Variants in GNA12 observed in about 807,000 individuals in gnomAD.
GNA12 encodes guanine nucleotide-binding protein subunit alpha-12.
GNA12 carries 9 observed loss-of-function variants against 26.0 expected under a neutral mutation model. The observed-to-expected ratio is 0.35, with a 90% CI of 0.21 to 0.60. The LOEUF (loss-of-function observed/expected upper bound fraction) is 0.60, where lower values mean the gene tolerates loss of function less well. Ranked by LOEUF, GNA12 falls within the 20% of genes least tolerant of loss-of-function variation. The probability of loss-of-function intolerance (pLI) is 0.78; values close to 1 mark genes in which losing one functional copy is unlikely to be tolerated. For synonymous variants in GNA12, 264 were observed against 219.6 expected, an observed-to-expected ratio of 1.20 and a Z score of -1.79; for missense variants, 405 against 525.8, an observed-to-expected ratio of 0.77 and a Z score of 2.25.
At chr7:2,772,830 C>G (rs77452010) in intron 2 of GNA12, among the ~76,000 whole-genome samples, 1 of 152,156 alleles carries the variant, frequency 6.6e-6, no homozygotes, top group African/African-American at 2.4e-5. Context: ...ATTAAGAGAC[C>G]TGTCCAAGAA....
intron 2 of GNA12, among the ~76,000 whole-genome samples, chr7:2,737,879 A>C (rs1458654191): frequency 1.3e-5 from 2 of 152,232 alleles, no homozygotes; most frequent in African/African-American, 4.8e-5. Context: ...ACAACAGAGA[A>C]TCTTTCAAAA....
intron 2 of GNA12, among the ~76,000 whole-genome samples, chr7:2,772,016 C>T (rs934686233): frequency 1.3e-5 from 2 of 152,212 alleles, no homozygotes; most frequent in African/African-American, 4.8e-5. Context: ...GCATGTGTGT[C>T]ATGACTGATG....
chr7:2,836,906 A>G (rs1778854619), intron 1 of GNA12, among the ~76,000 whole-genome samples: 2 of 152,178 alleles, frequency 1.3e-5, no homozygotes, highest in African/African-American at 4.8e-5. Context: ...CCCGGGCAAC[A>G]AGAGCGAAAC....
rs758369709 is a variant in GNA12, at chr7:2,731,530, C to T, written c.797G>A (p.Arg266His). Reference protein sequence around the residue: ...EYDQVLMEDRRTNRLVESMNI... With the variant: ...EYDQVLMEDRHTNRLVESMNI... ...CATGGACTCCACCAGCCGGTTGGTGCGCCTGTCCTCCATGAGGACCTGGTC... is the reference window on the plus strand; with the variant it reads ...CATGGACTCCACCAGCCGGTTGGTGTGCCTGTCCTCCATGAGGACCTGGTC... Residue 266 changes from arginine (R) to histidine (H), a missense_variant, in exon 4 of 4, where the codon CGC becomes CAC. Arg to His is a conservative substitution (Grantham distance 29, BLOSUM62 0). Transcript: ENST00000275364. The surrounding 1 kb of genome is among the most constrained non-coding windows in gnomAD (Gnocchi z 6.0). 60 of 1,610,958 alleles carry T rather than the reference C, an allele frequency of 3.7e-5. No individual in the cohort carries two copies. The highest frequency in any genetic ancestry group is 4.7e-5 in the Non-Finnish European group (55 of 1,177,894).
At chr7:2,736,997 A>G (rs1224511276) in intron 2 of GNA12, among the ~76,000 whole-genome samples, 1 of 152,248 alleles carries the variant, frequency 6.6e-6, no homozygotes, top group East Asian at 1.9e-4. Flanking sequence ...TCCTAATTGG[A>G]GCCTTTCTAC....
chr7:2,791,173 T>C (rs964654959), intron 2 of GNA12, among the ~76,000 whole-genome samples: 12 of 152,250 alleles, frequency 7.9e-5, no homozygotes, highest in African/African-American at 4.8e-5. Context: ...ATATTAGTTA[T>C]ACCGATGACC....
intron 1 of GNA12, among the ~76,000 whole-genome samples, chr7:2,814,076 A>T (rs1562442074): frequency 3.3e-5 from 5 of 152,154 alleles, no homozygotes; most frequent in Admixed American, 2.0e-4. Flanking sequence ...TCGGCTGCCC[A>T]GGTTCTCAGG....
chr7:2,763,714 A>G (rs552915583), intron 2 of GNA12, among the ~76,000 whole-genome samples: 2 of 152,266 alleles, frequency 1.3e-5, no homozygotes, highest in South Asian at 4.1e-4. Context: ...CAGGAAACCA[A>G]AGCTTCTTCT....
At chr7:2,740,937 C>G (rs1562397950) in intron 2 of GNA12, among the ~76,000 whole-genome samples, 1 of 152,090 alleles carries the variant, frequency 6.6e-6, no homozygotes, top group Non-Finnish European at 1.5e-5. Context: ...CCCAGCTACT[C>G]AGGAAGCTAA....
At chr7:2,743,845 G>T (rs1243211583) in intron 2 of GNA12, among the ~76,000 whole-genome samples, 4 of 152,070 alleles carry the variant, frequency 2.6e-5, no homozygotes, top group South Asian at 2.1e-4. Context: ...TTTCCCAACA[G>T]GCTTAAAAAA....
intron 1 of GNA12, among the ~76,000 whole-genome samples, chr7:2,812,323 C>A (rs1793100413): frequency 6.6e-6 from 1 of 152,192 alleles, no homozygotes. Flanking sequence ...GGCCTTGGTG[C>A]TTTGCTAAAA....
intron 2 of GNA12, among the ~76,000 whole-genome samples, chr7:2,734,681 C>G (rs1398513073): frequency 6.6e-6 from 1 of 152,240 alleles, no homozygotes; most frequent in Non-Finnish European, 1.5e-5. Context: ...GCCCACCTTC[C>G]TACTTTAGAA....
intron 2 of GNA12, among the ~76,000 whole-genome samples, chr7:2,767,575 T>G (rs978313383): frequency 2.0e-5 from 3 of 152,162 alleles, no homozygotes; most frequent in African/African-American, 7.2e-5. Context: ...TAGTACCCTC[T>G]CTCACACACA....
intron 1 of GNA12, among the ~76,000 whole-genome samples, chr7:2,813,923 C>T (rs890492992): frequency 9.9e-5 from 15 of 152,142 alleles, no homozygotes; most frequent in Admixed American, 2.6e-4. Context: ...CTGCCCTCCC[C>T]AAGTGGCTGG....
At chr7:2,762,287 CG>C in intron 2 of GNA12, 1 of 248,966 alleles carries the variant, frequency 4.0e-6, no homozygotes, top group East Asian at 7.1e-5. Flanking sequence ...GTGCACATGG[CG>C]GGGCCGGCGT....
At position 2,731,807 on chromosome 7, in the gene GNA12, T is replaced by C. The variant is rs932463218; in HGVS notation, c.577-57A>G. 2.4e-5 allele frequency: 22 copies of C among 928,314 alleles called. No homozygotes were observed. The highest frequency in any genetic ancestry group is 1.8e-4 in the African/African-American group (11 of 60,928). 57.5% of individuals were successfully genotyped at this position (928,314 alleles called of 1,614,324 possible). ...GGGGAGGAAGAAAGAACAGAGAAAA[T>C]AGAAACAAAAAGATGGCAAAAAGAT... On this transcript the variant is annotated intron_variant, in intron 3 of 3. Coordinates refer to ENST00000275364, the MANE Select transcript of GNA12 (RefSeq NM_007353.3). This position sits in a 1 kb window ranked among gnomAD's most constrained non-coding sequence, Gnocchi z 6.0.
chr7:2,828,424 G>C (rs1368484623), intron 1 of GNA12, among the ~76,000 whole-genome samples: 1 of 152,190 alleles, frequency 6.6e-6, no homozygotes, highest in Non-Finnish European at 1.5e-5. Context: ...CACGATCCTA[G>C]CTTACTGTAA....
intron 2 of GNA12, among the ~76,000 whole-genome samples, chr7:2,774,723 A>T (rs1340181500): frequency 6.6e-6 from 1 of 152,234 alleles, no homozygotes; most frequent in Non-Finnish European, 1.5e-5. Context: ...TCCTTTTTAT[A>T]TAACTTCTTT....
intron 2 of GNA12, among the ~76,000 whole-genome samples, chr7:2,756,072 CAG>C (rs888876692): frequency 2.6e-5 from 4 of 152,158 alleles, no homozygotes; most frequent in Non-Finnish European, 4.4e-5. Flanking sequence ...TAGAAAGTGA[CAG>C]AGTTTATCAT....
Sources: gnomAD v4.1 joint callset for allele counts (sites outside exome capture counted in the v4.1 genomes callset) on GRCh38, gnomAD v4.1.1 for gene constraint, Gnocchi (gnomAD v3.1) non-coding constraint, MANE v1.5 for transcripts, NCBI Gene and HGNC (gene_info 2026-07-23, HGNC 2026-07-21) for gene names.